RIT2: variants seen among roughly 807,000 people sequenced by gnomAD.
RIT2 encodes the protein Ras like without CAAX 2.
A neutral mutation model predicts 23.7 loss-of-function variants in RIT2; 24 were observed. The observed-to-expected ratio is 1.01, with a 90% CI of 0.73 to 1.43. The LOEUF (loss-of-function observed/expected upper bound fraction) is 1.43, where lower values mean the gene tolerates loss of function less well. RIT2 is among the 40% of genes most tolerant of loss of function. RIT2 has a pLI of 0.00. For synonymous variants in RIT2, 107 were observed against 91.1 expected (o/e 1.17, Z -0.99); for missense variants, 236 against 266.9 (o/e 0.88, Z 0.81).
intron 4 of RIT2, among the ~76,000 whole-genome samples, chr18:42,820,236 C>T (rs1334825068): frequency 6.6e-6 from 1 of 151,994 alleles, no homozygotes; most frequent in African/African-American, 2.4e-5. Flanking sequence ...GACTGAAATA[C>T]TCATTCATTT....
At chr18:42,853,102 G>C (rs955265587) in intron 4 of RIT2, among the ~76,000 whole-genome samples, 1 of 152,122 alleles carries the variant, frequency 6.6e-6, no homozygotes, top group Non-Finnish European at 1.5e-5. Context: ...CCAAAGTGCT[G>C]GGATTACAGG....
chr18:42,879,716 C>G (rs1907837583), intron 4 of RIT2, among the ~76,000 whole-genome samples: 1 of 151,682 alleles, frequency 6.6e-6, no homozygotes, highest in African/African-American at 2.4e-5. Context: ...TTTCATGTTC[C>G]TCAAATGATA....
intron 4 of RIT2, among the ~76,000 whole-genome samples, chr18:42,898,675 C>T (rs1274933505): frequency 1.3e-5 from 2 of 152,058 alleles, no homozygotes; most frequent in African/African-American, 2.4e-5. Flanking sequence ...GCATTTTTTC[C>T]TGCTCCAGAA....
At chr18:42,904,059 A>T (rs1378498757) in intron 4 of RIT2, among the ~76,000 whole-genome samples, 3 of 152,264 alleles carry the variant, frequency 2.0e-5, no homozygotes, top group Non-Finnish European at 2.9e-5. Context: ...ATATAGGAAG[A>T]TAAATAAAAT....
At chr18:43,050,817 G>T (rs1464664704) in intron 1 of RIT2, among the ~76,000 whole-genome samples, 4 of 152,116 alleles carry the variant, frequency 2.6e-5, no homozygotes, top group African/African-American at 7.2e-5. Context: ...ACACATGGAA[G>T]TTCCTGGAGG....
At chr18:42,978,881 T>C (rs1910532417) in intron 2 of RIT2, among the ~76,000 whole-genome samples, 1 of 152,092 alleles carries the variant, frequency 6.6e-6, no homozygotes, top group African/African-American at 2.4e-5. Context: ...ATGGCGATAA[T>C]AGTAACACTA....
At chr18:43,095,310 C>A (rs1180970454) in intron 1 of RIT2, among the ~76,000 whole-genome samples, 2 of 151,892 alleles carry the variant, frequency 1.3e-5, no homozygotes, top group African/African-American at 4.8e-5. Flanking sequence ...CTCTGATGAC[C>A]GGTGATGATG....
chr18:42,780,047 G>GTTTTTTTTTTTTTT lies in RIT2; in HGVS notation c.427-36341_427-36328dup, dbSNP rs71175923. The stretch of plus-strand genomic sequence containing the variant: ...TGCCTAGTCAAGTCTCAATTTAGAG[G>GTTTTTTTTTTTTTT]TTTTTTTTTTTTTTTTTTTTTTTTT... On this transcript the variant is annotated intron_variant, in intron 4 of 4. Transcript: ENST00000326695. Among the ~76,000 whole-genome samples, 4 of 59,596 alleles carry GTTTTTTTTTTTTTT rather than the reference G, an allele frequency of 6.7e-5. 1 individual carries two copies. The highest frequency in any genetic ancestry group is 9.2e-5 in the Non-Finnish European group (3 of 32,762). The allele number at this position is 59,596 out of a possible 152,430, so 39.1% of individuals were successfully genotyped here. A position where few individuals can be genotyped will look rare whatever the true frequency, so the allele number is the denominator to read the frequency against.
At chr18:42,853,881 G>A (rs1907118339) in intron 4 of RIT2, among the ~76,000 whole-genome samples, 1 of 152,148 alleles carries the variant, frequency 6.6e-6, no homozygotes. Flanking sequence ...CTGGGTTTAT[G>A]TTCCAATTAA....
intron 1 of RIT2, among the ~76,000 whole-genome samples, chr18:43,104,703 G>GTAAA (rs1217127011): frequency 1.5e-4 from 23 of 151,732 alleles, no homozygotes; most frequent in South Asian, 6.2e-4. Context: ...TTTCTAAACA[G>GTAAA]TAAATAAATA....
At chr18:42,779,402 C>T (rs549025583) in intron 4 of RIT2, among the ~76,000 whole-genome samples, 4 of 152,150 alleles carry the variant, frequency 2.6e-5, no homozygotes, top group African/African-American at 9.7e-5. Context: ...ATAACCTGAT[C>T]ACATGGAGAA....
chr18:42,845,550 A>G (rs190296876), intron 4 of RIT2, among the ~76,000 whole-genome samples: 36 of 150,750 alleles, frequency 2.4e-4, no homozygotes, highest in African/African-American at 8.7e-4. Flanking sequence ...TAACTGTAGA[A>G]TGTACATGTT....
At chr18:42,947,721 T>C (rs887509271) in intron 3 of RIT2, among the ~76,000 whole-genome samples, 3 of 152,096 alleles carry the variant, frequency 2.0e-5, no homozygotes, top group African/African-American at 4.8e-5. Flanking sequence ...TGTGGGTCAG[T>C]AGCACGTGGA....
chr18:43,107,797 GT>G (rs1804738519), intron 1 of RIT2, among the ~76,000 whole-genome samples: 1 of 151,968 alleles, frequency 6.6e-6, no homozygotes, highest in Non-Finnish European at 1.5e-5. Flanking sequence ...AGCACTCTCC[GT>G]TGTTTGTGTA....
chr18:42,745,496 G>T (rs564999979), intron 4 of RIT2, among the ~76,000 whole-genome samples: 6 of 152,244 alleles, frequency 3.9e-5, no homozygotes, highest in Middle Eastern at 3.4e-3. Flanking sequence ...CCCACTAGTA[G>T]CTGTTAAACA....
At chr18:42,993,220 T>C (rs1388934428) in intron 2 of RIT2, among the ~76,000 whole-genome samples, 1 of 152,132 alleles carries the variant, frequency 6.6e-6, no homozygotes, top group Non-Finnish European at 1.5e-5. Flanking sequence ...CCACGTCCTG[T>C]CTATGTGGGA....
chr18:42,945,944 G>A (rs1909718104), intron 3 of RIT2, among the ~76,000 whole-genome samples: 3 of 152,098 alleles, frequency 2.0e-5, no homozygotes, highest in Admixed American at 1.3e-4. Context: ...AATGGTGTTG[G>A]TTGAAGAACA....
intron 4 of RIT2, among the ~76,000 whole-genome samples, chr18:42,796,975 A>C (rs1301585404): frequency 2.0e-5 from 3 of 152,054 alleles, no homozygotes; most frequent in Non-Finnish European, 2.9e-5. Context: ...TTTTTCCTGA[A>C]TTTACCTAGA....
chr18:42,912,160 ATT>A (rs1296150836), intron 4 of RIT2, among the ~76,000 whole-genome samples: 1 of 151,818 alleles, frequency 6.6e-6, no homozygotes, highest in Non-Finnish European at 1.5e-5. Context: ...GTAGTCCACC[ATT>A]TCAATAAGCC....
Sources: gnomAD v4.1 joint callset for allele counts (sites outside exome capture counted in the v4.1 genomes callset) on GRCh38, gnomAD v4.1.1 for gene constraint, MANE v1.5 for transcripts, NCBI Gene and HGNC (gene_info 2026-07-23, HGNC 2026-07-21) for gene names.